SLC30A8: variants seen among roughly 807,000 people sequenced by gnomAD.
SLC30A8 encodes solute carrier family 30 member 8.
SLC30A8 carries 27 observed loss-of-function variants against 36.9 expected under a neutral mutation model. The ratio of observed to expected loss-of-function variants is 0.73; its 90% CI spans 0.54 to 1.01. The LOEUF (loss-of-function observed/expected upper bound fraction) is 1.01, where lower values mean the gene tolerates loss of function less well. Among genes scored for constraint, SLC30A8 ranks in the 50% least tolerant of loss-of-function variants. The pLI is 0.00. For synonymous variants in SLC30A8, 164 were observed against 172.4 expected, an observed-to-expected ratio of 0.95 and a Z score of 0.38; for missense variants, 439 against 452.0, an observed-to-expected ratio of 0.97 and a Z score of 0.26.
intron 2 of SLC30A8, among the ~76,000 whole-genome samples, chr8:117,112,317 A>C (rs539451386): frequency 6.6e-6 from 1 of 152,272 alleles, no homozygotes; most frequent in East Asian, 1.9e-4. Flanking sequence ...AGAGAATTTT[A>C]ATTAAGCTCT....
chr8:116,959,193 A>G (rs1814329325), intron 1 of SLC30A8, among the ~76,000 whole-genome samples: 1 of 151,764 alleles, frequency 6.6e-6, no homozygotes, highest in Non-Finnish European at 1.5e-5. Flanking sequence ...CTGTGTTTCG[A>G]GTGGTTTCTA....
chr8:117,002,703 C>G (rs1439083970), intron 1 of SLC30A8, among the ~76,000 whole-genome samples: 1 of 152,114 alleles, frequency 6.6e-6, no homozygotes, highest in African/African-American at 2.4e-5. Flanking sequence ...CTCCCGGTTT[C>G]AAGCAATTCT....
chr8:117,129,468 A>G (rs1029356294), intron 2 of SLC30A8, among the ~76,000 whole-genome samples: 1 of 152,014 alleles, frequency 6.6e-6, no homozygotes, highest in Non-Finnish European at 1.5e-5. Context: ...GTTTCCTTCC[A>G]TAGGAAAAGT....
chr8:117,066,449 C>T (rs542480671), intron 2 of SLC30A8, among the ~76,000 whole-genome samples: 124 of 152,300 alleles, frequency 8.1e-4, no homozygotes, highest in African/African-American at 2.6e-3. Context: ...CTGTTATAGA[C>T]ACCTGTTGTT....
Position 117,052,572 on chromosome 8 carries a change from A to T in SLC30A8, c.-226+13314A>T, listed in dbSNP as rs532930318. On this transcript the variant is annotated intron_variant, in intron 2 of 10. Transcript: ENST00000427715. ...TGACCTTTTTTATCTTACTCAGAAC[A>T]TAATCAGGATTTGTTCATTTCAGAA... Among the ~76,000 whole-genome samples the T allele has an allele frequency of 2.0e-5, 3 of 152,352 alleles. No homozygotes were observed. The East Asian group carries it at 5.8e-4, about 29-fold the overall frequency.
intron 2 of SLC30A8, among the ~76,000 whole-genome samples, chr8:117,150,268 C>T (rs1015431947): frequency 6.6e-6 from 1 of 152,242 alleles, no homozygotes; most frequent in African/African-American, 2.4e-5. Flanking sequence ...TGTAGCCCAG[C>T]AATGGGACAC....
chr8:117,037,485 G>C (rs1013821121), intron 1 of SLC30A8, among the ~76,000 whole-genome samples: 1 of 152,238 alleles, frequency 6.6e-6, no homozygotes, highest in Non-Finnish European at 1.5e-5. Context: ...ACGTGAGCAG[G>C]GGAGTCACCA....
intron 2 of SLC30A8, among the ~76,000 whole-genome samples, chr8:117,150,609 G>T (rs191427575): frequency 6.6e-6 from 1 of 152,206 alleles, no homozygotes; most frequent in African/African-American, 2.4e-5. Flanking sequence ...GACTTTAAAA[G>T]AAAATTTTTT....
At chr8:117,023,841 G>T (rs1458769574) in intron 1 of SLC30A8, among the ~76,000 whole-genome samples, 1 of 151,690 alleles carries the variant, frequency 6.6e-6, no homozygotes, top group Non-Finnish European at 1.5e-5. Flanking sequence ...TGCACATTGT[G>T]CACATGTACC....
At chr8:116,974,880 T>C (rs1432824083) in intron 1 of SLC30A8, among the ~76,000 whole-genome samples, 1 of 152,064 alleles carries the variant, frequency 6.6e-6, no homozygotes, top group Non-Finnish European at 1.5e-5. Context: ...GTTCATGTCC[T>C]TTGTAGGGAC....
intron 1 of SLC30A8, among the ~76,000 whole-genome samples, chr8:116,992,961 T>C (rs1815696125): frequency 1.6e-5 from 2 of 127,700 alleles, no homozygotes; most frequent in African/African-American, 5.1e-5. Context: ...ATCGTGGCCA[T>C]GTCGAGTAAA....
intron 4 of SLC30A8, among the ~76,000 whole-genome samples, chr8:117,160,402 CTTGT>C (rs1371088780): frequency 1.3e-4 from 16 of 118,828 alleles, no homozygotes; most frequent in African/African-American, 5.3e-4. Context: ...GAATTTTCCA[CTTGT>C]GTGTGTGTGT....
rs1389667136 is a variant in SLC30A8 at position 116,968,966 on chromosome 8, AC to A, written c.-266+17849del. On this transcript the variant is annotated intron_variant, in intron 1 of 10. Coordinates refer to the SLC30A8 transcript ENST00000427715. ...TGGCCAGGATGGTCTCCATCTCTTG[AC>A]CTTGTGATGTGCCCGCCTCAGTCTC... Among the ~76,000 whole-genome samples, 4 of 151,996 alleles carry A rather than the reference AC, an allele frequency of 2.6e-5. No individual in the cohort carries two copies. In the South Asian group the frequency reaches 8.3e-4, roughly 32 times the overall value.
At chr8:117,156,044 CT>C (rs35034776) in intron 3 of SLC30A8, among the ~76,000 whole-genome samples, 353 of 146,674 alleles carry the variant, frequency 2.4e-3, no homozygotes, top group African/African-American at 5.5e-3. Context: ...AAGATTAGTA[CT>C]TTTTTTTTTT....
chr8:117,126,783 A>G (rs921943701), intron 2 of SLC30A8, among the ~76,000 whole-genome samples: 1 of 152,000 alleles, frequency 6.6e-6, no homozygotes, highest in African/African-American at 2.4e-5. Flanking sequence ...TGCTGAAAGG[A>G]ATGAAGAGCA....
At chr8:116,994,666 A>G (rs1261950013) in intron 1 of SLC30A8, among the ~76,000 whole-genome samples, 1 of 152,094 alleles carries the variant, frequency 6.6e-6, no homozygotes, top group Non-Finnish European at 1.5e-5. Context: ...AATATACTAT[A>G]CGTTGATTCA....
At chr8:117,050,773 A>G (rs1563569069) in intron 2 of SLC30A8, among the ~76,000 whole-genome samples, 1 of 152,216 alleles carries the variant, frequency 6.6e-6, no homozygotes, top group Middle Eastern at 3.4e-3. Context: ...CTGCTTTCCT[A>G]CTCACTCCTT....
intron 1 of SLC30A8, among the ~76,000 whole-genome samples, chr8:116,974,039 C>G (rs1458573141): frequency 7.9e-5 from 12 of 152,140 alleles, no homozygotes; most frequent in Admixed American, 7.9e-4. Context: ...TAAATTAATT[C>G]AAGATGGATG....
intron 2 of SLC30A8, among the ~76,000 whole-genome samples, chr8:117,117,826 A>G (rs747327254): frequency 2.6e-5 from 4 of 151,962 alleles, no homozygotes; most frequent in Non-Finnish European, 4.4e-5. Context: ...CAGACTAAAT[A>G]TTTGACATCT....
Sources: allele counts gnomAD v4.1 joint callset (sites outside exome capture counted in the v4.1 genomes callset), GRCh38; gene constraint gnomAD v4.1.1; transcripts MANE v1.5; gene names NCBI Gene and HGNC (gene_info 2026-07-23, HGNC 2026-07-21).